Variants in ENTREP2 observed in about 807,000 individuals in gnomAD.
The protein encoded by ENTREP2 is protein ENTREP2.
At chr15:29,651,495 C>G in the ENTREP2 span, among the ~76,000 whole-genome samples, 2 of 152,196 alleles carry the variant, frequency 1.3e-5, no homozygotes, top group Non-Finnish European at 2.9e-5. Flanking sequence ...TGGGCTGAAG[C>G]CCCGCCCTCC....
the ENTREP2 span, chr15:29,120,396 C>T: frequency 6.6e-6 from 1 of 152,294 alleles, no homozygotes; most frequent in African/African-American, 2.4e-5. Context: ...TTAGCAGCCT[C>T]TGAGAGTCAG....
At chr15:29,232,927 G>A in the ENTREP2 span, among the ~76,000 whole-genome samples, 980 of 152,196 alleles carry the variant, frequency 6.4e-3, 8 homozygotes, top group African/African-American at 0.022. Context: ...AAATTCTGAG[G>A]TGAGATAGTA....
At chr15:29,666,897 G>T in the ENTREP2 span, among the ~76,000 whole-genome samples, 1 of 152,210 alleles carries the variant, frequency 6.6e-6, no homozygotes, top group Non-Finnish European at 1.5e-5. Flanking sequence ...CTCTGAGAAA[G>T]AATCTATCTT....
At chr15:29,180,743 T>TA in the ENTREP2 span, among the ~76,000 whole-genome samples, 1 of 151,730 alleles carries the variant, frequency 6.6e-6, no homozygotes, top group Admixed American at 6.6e-5. Context: ...CTGCAAAATT[T>TA]AAAAAATACT....
At chr15:29,420,669 T>C in the ENTREP2 span, among the ~76,000 whole-genome samples, 1 of 152,132 alleles carries the variant, frequency 6.6e-6, no homozygotes, top group African/African-American at 2.4e-5. Flanking sequence ...TAGAGGCCAA[T>C]ATATAGTGGC....
chr15:29,432,738 A>G, the ENTREP2 span, among the ~76,000 whole-genome samples: 2 of 152,070 alleles, frequency 1.3e-5, no homozygotes, highest in Admixed American at 6.5e-5. Context: ...CTGTCCCAGC[A>G]TAGCTTCACC....
At chr15:29,662,721 C>CT in the ENTREP2 span, among the ~76,000 whole-genome samples, 1 of 151,752 alleles carries the variant, frequency 6.6e-6, no homozygotes, top group Non-Finnish European at 1.5e-5. Context: ...GATTCTTTTT[C>CT]TTTTTTTTCT....
the ENTREP2 span, among the ~76,000 whole-genome samples, chr15:29,637,598 C>A: frequency 3.9e-5 from 6 of 152,146 alleles, no homozygotes; most frequent in Non-Finnish European, 1.5e-5. Context: ...TACTCTACTT[C>A]TCTGAAGTTG....
At chr15:29,526,894 C>T in the ENTREP2 span, among the ~76,000 whole-genome samples, 1 of 152,108 alleles carries the variant, frequency 6.6e-6, no homozygotes, top group Non-Finnish European at 1.5e-5. Context: ...CTGGCCTCCT[C>T]ACTGATTTTC....
the ENTREP2 span, among the ~76,000 whole-genome samples, chr15:29,405,154 C>T: frequency 1.3e-5 from 2 of 152,060 alleles, no homozygotes; most frequent in Admixed American, 6.6e-5. Flanking sequence ...TTTGGGAGGC[C>T]GAGGCGGGCA....
At chr15:29,150,588 A>T in the ENTREP2 span, among the ~76,000 whole-genome samples, 92,985 of 152,010 alleles carry the variant, frequency 0.61, 28,876 homozygotes, top group African/African-American at 0.7. Context: ...CAGAAGTTCA[A>T]GGCTACCTTA....
At chr15:29,223,707 C>G in the ENTREP2 span, among the ~76,000 whole-genome samples, 1 of 152,010 alleles carries the variant, frequency 6.6e-6, no homozygotes, top group Non-Finnish European at 1.5e-5. Context: ...CGCTCCTGGC[C>G]AGGGTGGGGG....
At chr15:29,226,499 C>G in the ENTREP2 span, among the ~76,000 whole-genome samples, 1 of 152,192 alleles carries the variant, frequency 6.6e-6, no homozygotes, top group Admixed American at 6.5e-5. Context: ...AAAACTATCC[C>G]TGACCTGTGA....
chr15:29,224,021 G>C, the ENTREP2 span, among the ~76,000 whole-genome samples: 1 of 152,206 alleles, frequency 6.6e-6, no homozygotes, highest in African/African-American at 2.4e-5. Context: ...TGGTCGCACT[G>C]ACTTCCAGAA....
chr15:29,349,148 C>T, the ENTREP2 span, among the ~76,000 whole-genome samples: 4 of 152,278 alleles, frequency 2.6e-5, no homozygotes, highest in South Asian at 4.1e-4. Context: ...ACACAACTCC[C>T]GTGGCCCTGC....
the ENTREP2 span, among the ~76,000 whole-genome samples, chr15:29,270,604 A>G: frequency 6.6e-6 from 1 of 152,170 alleles, no homozygotes; most frequent in African/African-American, 2.4e-5. Context: ...AAGAATTGCA[A>G]TAATGTGGAG....
At chr15:29,664,130 C>T in the ENTREP2 span, among the ~76,000 whole-genome samples, 6 of 152,018 alleles carry the variant, frequency 3.9e-5, no homozygotes, top group Admixed American at 1.3e-4. Context: ...AATGTGAATT[C>T]CTTTGTGCTA....
chr15:29,510,879 T>C, the ENTREP2 span, among the ~76,000 whole-genome samples: 1 of 151,248 alleles, frequency 6.6e-6, no homozygotes, highest in African/African-American at 2.4e-5. Flanking sequence ...AATGAGTTCA[T>C]GTCCTTTGCA....
At chr15:29,462,759 C>T in the ENTREP2 span, among the ~76,000 whole-genome samples, 1 of 152,072 alleles carries the variant, frequency 6.6e-6, no homozygotes, top group African/African-American at 2.4e-5. Flanking sequence ...GGGCATGACC[C>T]CTATGTCCAG....
Sources: gnomAD v4.1 joint callset for allele counts (sites outside exome capture counted in the v4.1 genomes callset) on GRCh38, gnomAD v4.1.1 for gene constraint, MANE v1.5 for transcripts, NCBI Gene and HGNC (gene_info 2026-07-23, HGNC 2026-07-21) for gene names.